Variants in NBEA observed in about 807,000 individuals in gnomAD.
NBEA encodes neurobeachin, also known as lysosomal-trafficking regulator 2.
NBEA carries 44 observed loss-of-function variants against 343.4 expected under a neutral mutation model. The observed-to-expected ratio is 0.13, with a 90% confidence interval of 0.10 to 0.16. The LOEUF is 0.16. Ranked by LOEUF, NBEA falls within the 10% of genes least tolerant of loss-of-function variation. The pLI is 1.00. For missense variants in NBEA, 2,555 were observed against 3,631.3 expected, an observed-to-expected ratio of 0.70 and a Z score of 7.62; for synonymous variants, 1,175 against 1,238.7, an observed-to-expected ratio of 0.95 and a Z score of 1.08.
At chr13:35,299,805 A>G (rs1350677490) in intron 35 of NBEA, among the ~76,000 whole-genome samples, 1 of 152,200 alleles carries the variant, frequency 6.6e-6, no homozygotes, top group Non-Finnish European at 1.5e-5. Context: ...TTTTCCTGTC[A>G]TTGCCAAGAG....
chr13:35,420,037 T>A (rs2152922839), intron 38 of NBEA, among the ~76,000 whole-genome samples: 1 of 152,182 alleles, frequency 6.6e-6, no homozygotes, highest in South Asian at 2.1e-4. Context: ...TTTGCATGAT[T>A]TTTTACATAG....
intron 55 of NBEA, among the ~76,000 whole-genome samples, chr13:35,661,425 A>G (rs1298541489): frequency 6.6e-6 from 1 of 152,240 alleles, no homozygotes; most frequent in East Asian, 1.9e-4. Context: ...GAATGAATAA[A>G]TAATTTCACC....
At chr13:35,355,499 G>A (rs1303715922) in intron 38 of NBEA, among the ~76,000 whole-genome samples, 1 of 152,148 alleles carries the variant, frequency 6.6e-6, no homozygotes, top group East Asian at 1.9e-4. Flanking sequence ...GTAGCCACAT[G>A]TGGCTGGTGG....
At chr13:35,134,103 G>A (rs1029808570) in intron 17 of NBEA, among the ~76,000 whole-genome samples, 3 of 152,036 alleles carry the variant, frequency 2.0e-5, no homozygotes, top group Admixed American at 6.5e-5. Flanking sequence ...AATAATTTAA[G>A]TAGATGGTGT....
chr13:35,546,469 A>AC (rs1448203428), intron 41 of NBEA, among the ~76,000 whole-genome samples: 1 of 152,140 alleles, frequency 6.6e-6, no homozygotes, highest in East Asian at 1.9e-4. Context: ...ATCTCAAAAA[A>AC]AAAAAAAGAG....
rs966056578 is a variant in NBEA, at chr13:35,274,131, T to C, written c.5777-16258T>C. Reference sequence around the variant, plus strand: ...AATTCTCAATAAAATACTGGCCTACTGAATCCAGCAGCATATCAAAAAGCT... The same window carrying C: ...AATTCTCAATAAAATACTGGCCTACCGAATCCAGCAGCATATCAAAAAGCT... On this transcript the variant is annotated intron_variant, in intron 34 of 58. Coordinates refer to ENST00000379939, the MANE Select transcript of NBEA (RefSeq NM_001385012.1). 5.9e-5 allele frequency among the ~76,000 whole-genome samples: 9 copies of C among 152,252 alleles called. No individual in the cohort carries two copies. The South Asian group carries it at 6.2e-4, about 11-fold the overall frequency.
At chr13:35,619,410 C>T (rs989492084) in intron 48 of NBEA, among the ~76,000 whole-genome samples, 7 of 152,036 alleles carry the variant, frequency 4.6e-5, no homozygotes, top group African/African-American at 1.7e-4. Context: ...ACAGGAGACC[C>T]ATATGGCTCA....
intron 55 of NBEA, among the ~76,000 whole-genome samples, chr13:35,656,534 C>T (rs2084821652): frequency 1.3e-5 from 2 of 152,136 alleles, no homozygotes; most frequent in Admixed American, 6.5e-5. Context: ...ACTGCTGCCC[C>T]AAGAAAACAC....
chr13:35,000,925 G>T (rs2061113399), intron 1 of NBEA, among the ~76,000 whole-genome samples: 1 of 151,822 alleles, frequency 6.6e-6, no homozygotes, highest in Non-Finnish European at 1.5e-5. Context: ...AAAGCCTTGA[G>T]AAACACTTGG....
chr13:35,443,137 T>C (rs2045828740), intron 39 of NBEA, among the ~76,000 whole-genome samples: 1 of 152,126 alleles, frequency 6.6e-6, no homozygotes, highest in Admixed American at 6.6e-5. Context: ...CCCAGATTGC[T>C]AATGCTGCAC....
intron 53 of NBEA, 74 bp from the exon 54 acceptor site, chr13:35,654,781 G>T: frequency 8.3e-7 from 1 of 1,208,484 alleles, no homozygotes; most frequent in Non-Finnish European, 1.1e-6. Flanking sequence ...TGAAAGTATT[G>T]TTTTCCTTCT....
intron 34 of NBEA, among the ~76,000 whole-genome samples, chr13:35,237,031 AT>A (rs912595869): frequency 6.6e-6 from 1 of 152,010 alleles, no homozygotes; most frequent in African/African-American, 2.4e-5. Flanking sequence ...GCGAAAGCAG[AT>A]GTATTGCTTG....
chr13:35,385,644 A>G (rs2042210672), intron 38 of NBEA, among the ~76,000 whole-genome samples: 1 of 152,216 alleles, frequency 6.6e-6, no homozygotes, highest in Non-Finnish European at 1.5e-5. Context: ...ACGAGGCTGC[A>G]GTGAGCCATG....
intron 32 of NBEA, among the ~76,000 whole-genome samples, 199 bp from the exon 33 acceptor site, chr13:35,210,854 A>G (rs963711637): frequency 3.3e-5 from 5 of 152,154 alleles, no homozygotes; most frequent in Non-Finnish European, 7.4e-5. Flanking sequence ...ATGTAAGTAA[A>G]TCAATTAGAT....
intron 1 of NBEA, among the ~76,000 whole-genome samples, chr13:34,987,646 T>C (rs1402862654): frequency 1.3e-5 from 2 of 150,990 alleles, no homozygotes; most frequent in Non-Finnish European, 3.0e-5. Flanking sequence ...AAACGTAGAT[T>C]TGGTCTTTTC....
At chr13:35,586,364 T>C (rs1285287537) in intron 46 of NBEA, among the ~76,000 whole-genome samples, 2 of 152,228 alleles carry the variant, frequency 1.3e-5, no homozygotes, top group East Asian at 1.9e-4. Context: ...GTCAGAATTA[T>C]GATTCTGTTT....
intron 1 of NBEA, among the ~76,000 whole-genome samples, chr13:34,987,880 A>G (rs1328567645): frequency 6.6e-6 from 1 of 150,896 alleles, no homozygotes; most frequent in Non-Finnish European, 1.5e-5. Flanking sequence ...TGTTTATTCT[A>G]GTTAGCCATT....
At chr13:35,259,446 T>A (rs1046965369) in intron 34 of NBEA, among the ~76,000 whole-genome samples, 9 of 152,142 alleles carry the variant, frequency 5.9e-5, no homozygotes, top group Non-Finnish European at 1.2e-4. Flanking sequence ...ATTAGTTATC[T>A]TGTTTAAAGA....
At chr13:34,998,900 T>G (rs2061028795) in intron 1 of NBEA, among the ~76,000 whole-genome samples, 1 of 152,108 alleles carries the variant, frequency 6.6e-6, no homozygotes, top group South Asian at 2.1e-4. Context: ...ATTGGGGAAG[T>G]GATAAGTGTC....
Sources: gnomAD v4.1 joint callset for allele counts (sites outside exome capture counted in the v4.1 genomes callset) on GRCh38, gnomAD v4.1.1 for gene constraint, MANE v1.5 for transcripts, NCBI Gene and HGNC (gene_info 2026-07-23, HGNC 2026-07-21) for gene names.